Variants in NOM1 observed in about 807,000 individuals in gnomAD.
NOM1 encodes nucleolar protein with MIF4G domain 1.
In NOM1, 58 loss-of-function variants were observed where a neutral mutation model predicts 73.3. That is an observed-to-expected ratio of 0.79 (90% CI 0.64 to 0.99). NOM1 has a LOEUF of 0.99. Among genes scored for constraint, NOM1 ranks in the 50% least tolerant of loss-of-function variants. The probability of loss-of-function intolerance (pLI) is 0.00; values close to 1 mark genes in which losing one functional copy is unlikely to be tolerated. For missense variants in NOM1, 1,226 were observed against 1,131.9 expected (o/e 1.08, Z -1.19); for synonymous variants, 487 against 446.8 (o/e 1.09, Z -1.14).
intron 3 of NOM1, among the ~76,000 whole-genome samples, chr7:156,959,106 C>CTT (rs5888696): frequency 6.8e-6 from 1 of 147,108 alleles, no homozygotes; most frequent in East Asian, 2.0e-4. Flanking sequence ...GGTAGTGGAA[C>CTT]TTTTTTTTTT....
chr7:156,952,001 C>G (rs118055219), intron 1 of NOM1, among the ~76,000 whole-genome samples: 2 of 152,144 alleles, frequency 1.3e-5, no homozygotes, highest in African/African-American at 4.8e-5. Context: ...CCACCGTGCC[C>G]GGCCGGTTTT....
At position 156,969,579 on chromosome 7, in the gene NOM1, T is replaced by C; in HGVS notation, c.2459T>C (p.Phe820Ser). 6.2e-7 allele frequency: 1 copy of C among 1,614,098 alleles called. No individual in the cohort carries two copies. Among genetic ancestry groups the C allele is most frequent in the Non-Finnish European group, 8.5e-7 (1 of 1,179,996 alleles). Residue 820 changes from phenylalanine (F) to serine (S), a missense_variant, in exon 11 of 11, where the codon TTC becomes TCC. By Grantham distance (155) the Phe-to-Ser change is radical. Transcript: ENST00000275820. ...LGVLREGLKL[F>S]ISHFLLKNAQ... is the part of the protein sequence containing the mutation. ...GTGTTACGTGAGGGTTTGAAGCTTT[T>C]CATCAGCCACTTCTTGCTAAAGAAC...
intron 3 of NOM1, among the ~76,000 whole-genome samples, chr7:156,957,652 A>G (rs1465164463): frequency 6.6e-6 from 1 of 151,886 alleles, no homozygotes; most frequent in Non-Finnish European, 1.5e-5. Context: ...GCAGGTGCCT[A>G]TAGTCCCTGC....
At chr7:156,968,891 C>G in intron 9 of NOM1, 196 bp from the exon 10 acceptor site, 1 of 516,358 alleles carries the variant, frequency 1.9e-6, no homozygotes, top group South Asian at 2.1e-5. Context: ...CCTCTGCCAG[C>G]AGTGTGTAGG....
chr7:156,953,654 G>A (rs1297384769), intron 2 of NOM1, among the ~76,000 whole-genome samples: 1 of 152,106 alleles, frequency 6.6e-6, no homozygotes, highest in East Asian at 1.9e-4. Flanking sequence ...GTACATATGT[G>A]TGTAGTGTCC....
chr7:156,964,285 A>G (rs1216687365), intron 7 of NOM1: 2 of 216,034 alleles, frequency 9.3e-6, no homozygotes, highest in Non-Finnish European at 1.8e-5. Context: ...TTTTTTTTTG[A>G]GACAGGGTCT....
chr7:156,969,653 G>C lies in NOM1; in HGVS notation c.2533G>C (p.Ala845Pro). The C allele has an allele frequency of 2.5e-6, 4 of 1,613,788 alleles. No homozygotes were observed. Among genetic ancestry groups the C allele is most frequent in the Non-Finnish European group, 3.4e-6 (4 of 1,179,818 alleles). ...ADEANVLREK[A>P]DLATKCLQGK... Reference sequence around the variant, plus strand: ...CGAAGCCAACGTGCTGAGAGAGAAAGCTGACCTTGCAACGAAGTGTCTGCA... The same window carrying C: ...CGAAGCCAACGTGCTGAGAGAGAAACCTGACCTTGCAACGAAGTGTCTGCA... Residue 845 changes from alanine (A) to proline (P), a missense_variant, in exon 11 of 11, where the codon GCT becomes CCT. Physicochemically the swap from Ala to Pro is conservative, Grantham distance 27. Coordinates refer to ENST00000275820, the MANE Select transcript of NOM1 (RefSeq NM_138400.2).
rs562237976 is a variant in NOM1, at chr7:156,959,442, G to T, written c.1309-409G>T. ...TTTTTAGTAGAAACGGGGTTTCACC[G>T]TGTTAGCCAGGATGGTCTTGATATC... On this transcript the variant is annotated intron_variant, in intron 3 of 10. Transcript: ENST00000275820. Among the ~76,000 whole-genome samples the T allele has an allele frequency of 3.3e-3, 507 of 151,636 alleles. 3 individuals are homozygous for T. The highest frequency in any genetic ancestry group is 0.011 in the African/African-American group (464 of 41,312).
chr7:156,962,544 A>G (rs928026845), intron 5 of NOM1, among the ~76,000 whole-genome samples: 2 of 152,186 alleles, frequency 1.3e-5, no homozygotes, highest in Non-Finnish European at 2.9e-5. Flanking sequence ...GGATCATCCG[A>G]TGCTTTCAGA....
At chr7:156,951,636 A>G (rs754376840) in intron 1 of NOM1, among the ~76,000 whole-genome samples, 1 of 152,146 alleles carries the variant, frequency 6.6e-6, no homozygotes, top group African/African-American at 2.4e-5. Context: ...GTGCCTTGCA[A>G]ATGTTTGTGT....
Position 156,954,199 on chromosome 7 carries a change from T to G in NOM1, c.1209T>G (p.Ala403=). The G allele has an allele frequency of 6.2e-7, 1 of 1,613,896 alleles. No homozygotes were observed. The highest frequency in any genetic ancestry group is 1.1e-5 in the South Asian group (1 of 91,028). Residue 403 remains alanine, a synonymous_variant, in exon 3 of 11, where the codon GCT becomes GCG. Transcript: ENST00000275820. ...ACATGAATGACACCCTGACCTCCGC[T>G]CTCATGGGTGCCTGCGTCACTGCCT... ...RKDMNDTLTS[A]LMGACVTASA... is the part of the protein sequence containing the mutation.
chr7:156,950,899 A>G (rs1438475046), intron 1 of NOM1, among the ~76,000 whole-genome samples, 175 bp downstream of exon 1: 1 of 152,172 alleles, frequency 6.6e-6, no homozygotes. Flanking sequence ...TTAAATTTTC[A>G]TAATGTAAAG....
At chr7:156,969,262 G>C in intron 10 of NOM1, 66 bp downstream of exon 10, 1 of 971,696 alleles carries the variant, frequency 1.0e-6, no homozygotes. Context: ...CACTTGTGTT[G>C]ATTTACAAAC....
chr7:156,968,326 C>T (rs1805053676), intron 9 of NOM1, among the ~76,000 whole-genome samples: 1 of 152,146 alleles, frequency 6.6e-6, no homozygotes, highest in Admixed American at 6.5e-5. Flanking sequence ...TTAGAGATGC[C>T]CCCCGCCCTG....
In NOM1 at chr7:156,950,241, C is replaced by G. The variant is rs149297064; in HGVS notation, c.504C>G (p.Ala168=). 4 of 1,613,114 alleles carry G rather than the reference C, an allele frequency of 2.5e-6. No homozygotes were observed. The Admixed American group carries it at 6.7e-5, about 27-fold the overall frequency. The part of the protein sequence containing the change: ...AKTRPSAAAT[A]AARKRALLAA... Reference sequence around the variant, plus strand: ...CCAGACCCTCCGCAGCCGCCACCGCCGCTGCCCGGAAACGGGCGCTTTTAG... The same window carrying G: ...CCAGACCCTCCGCAGCCGCCACCGCGGCTGCCCGGAAACGGGCGCTTTTAG... The change falls in exon 1 of 11, where the codon GCC becomes GCG. Residue 168 remains alanine (A), a synonymous_variant. Transcript: ENST00000275820.
In NOM1 at chr7:156,963,942, G is replaced by A. The variant is rs369881632; in HGVS notation, c.1949G>A (p.Arg650Lys). 3.1e-4 allele frequency: 494 copies of A among 1,614,038 alleles called. 1 individual carries two copies. The highest frequency in any genetic ancestry group is 4.0e-4 in the Non-Finnish European group (470 of 1,179,992). Residue 650 changes from arginine (R) to lysine (K), a missense_variant, in exon 7 of 11, where the codon AGG (arginine) becomes AAG (lysine). Transcript: ENST00000275820. ...ATCCTAGAACTCGCCCGGAAGCAGA[G>A]GATGAACACAGACATCCGGAGAAAC... ...SKILELARKQ[R>K]MNTDIRRNIF...
intron 2 of NOM1, among the ~76,000 whole-genome samples, chr7:156,953,057 G>A (rs891147432): frequency 3.9e-5 from 6 of 152,180 alleles, no homozygotes; most frequent in South Asian, 2.1e-4. Context: ...TCAGTTACAC[G>A]TGCCCATCAG....
chr7:156,962,038 A>G (rs1804876138), intron 4 of NOM1, 113 bp from the exon 5 acceptor site: 2 of 792,802 alleles, frequency 2.5e-6, no homozygotes, highest in Admixed American at 1.8e-5. Context: ...CTGACTTTGT[A>G]TCGTGGCGGT....
rs1167479085 is a variant in NOM1 at position 156,959,841 on chromosome 7, G to T, written c.1309-10G>T. 1 of 1,612,022 alleles carries T rather than the reference G, an allele frequency of 6.2e-7. No homozygotes were observed. The highest frequency in any genetic ancestry group is 1.7e-5 in the Admixed American group (1 of 59,432). The stretch of plus-strand genomic sequence containing the variant: ...AATAACATAATCTTTTTTCTGTGTG[G>T]TTCTTTCAGGTCGGTGCCCACTTTC... On this transcript the variant is annotated splice_polypyrimidine_tract_variant and intron_variant, in intron 3 of 10. Transcript: ENST00000275820.
Sources: allele counts gnomAD v4.1 joint callset (sites outside exome capture counted in the v4.1 genomes callset), GRCh38; gene constraint gnomAD v4.1.1; transcripts MANE v1.5; gene names NCBI Gene and HGNC (gene_info 2026-07-23, HGNC 2026-07-21).